The following FSCN1 variants were observed in gnomAD, a reference collection of about 807,000 sequenced individuals.
FSCN1 encodes fascin.
In FSCN1, 10 loss-of-function variants were observed where a neutral mutation model predicts 39.7. The observed-to-expected ratio is 0.25, with a 90% confidence interval of 0.16 to 0.43. FSCN1 has a LOEUF of 0.43. FSCN1 is among the 20% of genes least tolerant of loss of function. The pLI is 1.00. For synonymous variants in FSCN1, 322 were observed against 320.0 expected (o/e 1.01, Z -0.07); for missense variants, 525 against 723.8 (o/e 0.73, Z 3.15).
chr7:5,604,993 G>A (rs933160579), intron 4 of FSCN1, among the ~76,000 whole-genome samples: 5 of 152,008 alleles, frequency 3.3e-5, no homozygotes, highest in African/African-American at 9.7e-5. Context: ...AGGCTGGCTC[G>A]AACTCCTGAC....
At chr7:5,596,810 A>G (rs1240044288) in intron 1 of FSCN1, among the ~76,000 whole-genome samples, 1 of 152,178 alleles carries the variant, frequency 6.6e-6, no homozygotes, top group African/African-American at 2.4e-5. Context: ...AGCCCAGGGA[A>G]TGGCTTGTAT....
intron 1 of FSCN1, chr7:5,594,692 C>T (rs1785699252): frequency 6.6e-6 from 1 of 152,084 alleles, no homozygotes; most frequent in Non-Finnish European, 1.5e-5. Flanking sequence ...CTCCAGGCAC[C>T]CCGCCCTTCG....
In FSCN1 at chr7:5,592,875, C is replaced by G; in HGVS notation, c.-62C>G. ...CAGCCGAACAAAGGAGCAGGGGCGC[C>G]GCCGCAGGGACCCGCCACCCACCTC... On this transcript the variant is annotated 5_prime_UTR_variant, in exon 1 of 5. Coordinates refer to ENST00000382361, the MANE Select transcript of FSCN1 (RefSeq NM_003088.4). The surrounding 1 kb of genome is among the most constrained non-coding windows in gnomAD (Gnocchi z 5.3). 1 of 1,050,538 alleles carries G rather than the reference C, an allele frequency of 9.5e-7. No homozygotes were observed. 65.1% of individuals were successfully genotyped at this position (1,050,538 alleles called of 1,614,324 possible).
rs1640233 is a variant in FSCN1 at position 5,603,514 on chromosome 7, T to C, written c.1008T>C (p.Phe336=). Residue 336 remains phenylalanine, a synonymous_variant, in exon 3 of 5, where the codon TTT becomes TTC. Transcript: ENST00000382361. The surrounding 1 kb of genome is among the most constrained non-coding windows in gnomAD (Gnocchi z 8.5). Reference sequence around the variant, plus strand: ...CCCCCAGGAATGCCAGCTGCTACTTTGACATCGAGTGGCGTGACCGGCGCA... The same window carrying C: ...CCCCCAGGAATGCCAGCTGCTACTTCGACATCGAGTGGCGTGACCGGCGCA... ...TASSKNASCY[F]DIEWRDRRIT... 306,081 of 1,613,870 alleles carry C rather than the reference T, an allele frequency of 0.19. 30,378 individuals carry two copies. The highest frequency in any genetic ancestry group is 0.3 in the African/African-American group (22,863 of 74,962).
intron 1 of FSCN1, among the ~76,000 whole-genome samples, chr7:5,598,726 C>T (rs960672830): frequency 6.6e-6 from 1 of 152,110 alleles, no homozygotes; most frequent in African/African-American, 2.4e-5. Context: ...CTGGGGTGGA[C>T]CTAGAACCTC....
intron 1 of FSCN1, among the ~76,000 whole-genome samples, chr7:5,598,303 G>A (rs540451300): frequency 6.6e-6 from 1 of 152,374 alleles, no homozygotes; most frequent in Admixed American, 6.5e-5. Flanking sequence ...GCAACAGGCT[G>A]ATGGGGACTG....
intron 1 of FSCN1, among the ~76,000 whole-genome samples, chr7:5,596,124 G>A (rs1785726123): frequency 6.6e-6 from 1 of 151,854 alleles, no homozygotes; most frequent in African/African-American, 2.4e-5. Flanking sequence ...ACTCCCGGGG[G>A]GCTTTTGGGA....
In FSCN1 at chr7:5,603,075, G is replaced by A. The variant is rs575422566; in HGVS notation, c.833-182G>A. The A allele has an allele frequency of 1.4e-4, 93 of 646,364 alleles. No homozygotes were observed. Among genetic ancestry groups the A allele is most frequent in the South Asian group, 1.1e-3 (61 of 53,390 alleles). The allele number at this position is 646,364 out of a possible 1,614,324, so 40.0% of individuals were successfully genotyped here. A position where few individuals can be genotyped will look rare whatever the true frequency, so the allele number is the denominator to read the frequency against. ...ATGTAGCTTGCCTTGGCCTCTGACC[G>A]GCCCTGCCTGCGTTCCTGGGTGCTC... On this transcript the variant is annotated intron_variant, in intron 1 of 4. Transcript: ENST00000382361. The surrounding 1 kb of genome is among the most constrained non-coding windows in gnomAD (Gnocchi z 8.5).
rs1010322312 is a variant in FSCN1 at position 5,605,628 on chromosome 7, G to T, written c.*154G>T. 2 of 626,068 alleles carry T rather than the reference G, an allele frequency of 3.2e-6. No individual in the cohort carries two copies. Among genetic ancestry groups the T allele is most frequent in the African/African-American group, 3.7e-5 (2 of 54,412 alleles). The allele number at this position is 626,068 out of a possible 1,614,324, so 38.8% of individuals were successfully genotyped here. On this transcript the variant is annotated 3_prime_UTR_variant, in exon 5 of 5. Transcript: ENST00000382361. This position sits in a 1 kb window ranked among gnomAD's most constrained non-coding sequence, Gnocchi z 6.9. The stretch of plus-strand genomic sequence containing the variant: ...AGAGAAAACGGTGCCCCCACCTGTC[G>T]CCCCTATGGACTCCCCACTCTCCCC...
intron 1 of FSCN1, among the ~76,000 whole-genome samples, chr7:5,601,241 C>A (rs566454339): frequency 5.3e-4 from 66 of 123,560 alleles, no homozygotes; most frequent in African/African-American, 1.8e-3. Context: ...CTTGCTCTGT[C>A]GCCCAGGCTG....
chr7:5,602,009 A>G (rs1584303000), intron 1 of FSCN1, among the ~76,000 whole-genome samples: 1 of 148,444 alleles, frequency 6.7e-6, no homozygotes, highest in Non-Finnish European at 1.5e-5. Context: ...GGCTGGAGTG[A>G]TCTCGGCTCA....
chr7:5,606,305 G>A lies in FSCN1; in HGVS notation c.*831G>A, dbSNP rs1445885390. On this transcript the variant is annotated 3_prime_UTR_variant, in exon 5 of 5. Transcript: ENST00000382361. The surrounding 1 kb of genome is among the most constrained non-coding windows in gnomAD (Gnocchi z 5.1). ...CTGTAGTAGCGAGTGATCTGGCGGG[G>A]GGCGTCTCAGCACCCTCCCCAGGGG... 1 of 152,114 alleles carries A rather than the reference G, an allele frequency of 6.6e-6. No individual in the cohort carries two copies. Among genetic ancestry groups the A allele is most frequent in the African/African-American group, 2.4e-5 (1 of 41,412 alleles). 9.4% of individuals were successfully genotyped at this position (152,114 alleles called of 1,614,324 possible).
At chr7:5,601,197 CTTTTTTTTTT>C (rs534109521) in intron 1 of FSCN1, among the ~76,000 whole-genome samples, 4 of 115,554 alleles carry the variant, frequency 3.5e-5, no homozygotes, top group Admixed American at 1.9e-4. Flanking sequence ...TTCTTTCTTC[CTTTTTTTTTT>C]TTTTTTTTTT....
At chr7:5,598,832 C>T (rs555550934) in intron 1 of FSCN1, among the ~76,000 whole-genome samples, 4 of 152,226 alleles carry the variant, frequency 2.6e-5, no homozygotes, top group African/African-American at 9.6e-5. Context: ...TTCAGCGGAG[C>T]CCCAGCGCAT....
At chr7:5,594,027 C>A in intron 1 of FSCN1, 1 of 510,084 alleles carries the variant, frequency 2.0e-6, no homozygotes, top group Non-Finnish European at 3.4e-6. Flanking sequence ...GAGTCGCAAC[C>A]GTACGTGCAC....
Position 5,592,948 on chromosome 7 carries a change from C to T in FSCN1, c.12C>T (p.Asn4=). The T allele has an allele frequency of 4.5e-6, 7 of 1,541,450 alleles. No homozygotes were observed. The highest frequency in any genetic ancestry group is 6.1e-6 in the Non-Finnish European group (7 of 1,143,428). Residue 4 remains asparagine (N), a synonymous_variant, in exon 1 of 5, where the codon AAC becomes AAT. Transcript: ENST00000382361. The surrounding 1 kb of genome is among the most constrained non-coding windows in gnomAD (Gnocchi z 5.3). MTA[N]GTAEAVQIQF... ...CGTCTACTGCCACCATGACCGCCAA[C>T]GGCACAGCCGAGGCGGTGCAGATCC... is the stretch of plus-strand genomic sequence containing the variant.
rs752869249 is a variant in FSCN1 at position 5,603,387 on chromosome 7, G to A, written c.963G>A (p.Gly321=). 2.5e-6 allele frequency: 4 copies of A among 1,613,574 alleles called. No individual in the cohort carries two copies. The highest frequency in any genetic ancestry group is 2.7e-5 in the African/African-American group (2 of 74,930). Residue 321 remains glycine (G), a synonymous_variant, in exon 2 of 5, where the codon GGG becomes GGA. Coordinates refer to ENST00000382361, the MANE Select transcript of FSCN1 (RefSeq NM_003088.4). The surrounding 1 kb of genome is among the most constrained non-coding windows in gnomAD (Gnocchi z 8.5). Reference sequence around the variant, plus strand: ...AGTACTGGACGCTGACGGCCACCGGGGGCGTGCAGTCCACCGCCTCCAGCA... The same window carrying A: ...AGTACTGGACGCTGACGGCCACCGGAGGCGTGCAGTCCACCGCCTCCAGCA... ...TGKYWTLTAT[G]GVQSTASSKN...
Position 5,599,202 on chromosome 7 carries a change from G to A in FSCN1, c.833-4055G>A, listed in dbSNP as rs979321667. Among the ~76,000 whole-genome samples the A allele has an allele frequency of 6.6e-6, 1 of 152,136 alleles. No individual in the cohort carries two copies. Among genetic ancestry groups the A allele is most frequent in the Non-Finnish European group, 1.5e-5 (1 of 67,994 alleles). ...GTGGCTGAGCCAGCCCACCCAGTGC[G>A]GTGGATGCTCGTCGGAGGGCAGAGG... On this transcript the variant is annotated intron_variant, in intron 1 of 4. Transcript: ENST00000382361. This position sits in a 1 kb window ranked among gnomAD's most constrained non-coding sequence, Gnocchi z 5.6.
rs1259932545 is a variant in FSCN1, at chr7:5,593,681, G to A, written c.745G>A (p.Gly249Ser). 12 of 1,589,900 alleles carry A rather than the reference G, an allele frequency of 7.5e-6. No individual in the cohort carries two copies. The highest frequency in any genetic ancestry group is 9.4e-6 in the Non-Finnish European group (11 of 1,174,728). The change falls in exon 1 of 5, where the codon GGC (glycine) becomes AGC (serine). Residue 249 changes from glycine to serine, a missense_variant. Coordinates refer to ENST00000382361, the MANE Select transcript of FSCN1 (RefSeq NM_003088.4). ...TLKAGKATKV[G>S]KDELFALEQS... ...CAAGGCGGGCAAGGCCACCAAGGTG[G>A]GCAAGGACGAGCTCTTTGCTCTGGA...
Sources: gnomAD v4.1 joint callset for allele counts (sites outside exome capture counted in the v4.1 genomes callset) on GRCh38, gnomAD v4.1.1 for gene constraint, Gnocchi (gnomAD v3.1) non-coding constraint, MANE v1.5 for transcripts, NCBI Gene and HGNC (gene_info 2026-07-23, HGNC 2026-07-21) for gene names.